Variants in CACNA1D observed in about 807,000 individuals in gnomAD.
CACNA1D encodes calcium voltage-gated channel subunit alpha1 D, also known as voltage-dependent L-type calcium channel subunit alpha-1D.
Under a neutral mutation model 257.1 loss-of-function variants are expected in CACNA1D, and 55 were observed. The observed-to-expected ratio is 0.21, with a 90% CI of 0.17 to 0.27. The LOEUF (loss-of-function observed/expected upper bound fraction) is 0.27. Ranked by LOEUF, CACNA1D falls within the 10% of genes least tolerant of loss-of-function variation. The pLI is 1.00. For missense variants in CACNA1D, 1,876 were observed against 2,784.0 expected (o/e 0.67, Z 7.34); for synonymous variants, 980 against 1,014.9 (o/e 0.97, Z 0.65).
intron 3 of CACNA1D, among the ~76,000 whole-genome samples, chr3:53,543,231 C>A (rs781261283): frequency 4.6e-5 from 7 of 151,924 alleles, no homozygotes; most frequent in Non-Finnish European, 7.4e-5. Flanking sequence ...CCCCACAAAC[C>A]AGCCTCCCCT....
At position 53,705,184 on chromosome 3, in the gene CACNA1D, C is replaced by A. The variant is rs562421645; in HGVS notation, c.1390+2374C>A. On this transcript the variant is annotated intron_variant, in intron 9 of 47. Transcript: ENST00000350061. Reference sequence around the variant, plus strand: ...TCTGCTGTGTGAGCCCAGGAGGGCGCGATGATTCTGGCTGGTGGGAGTGGG... The same window carrying A: ...TCTGCTGTGTGAGCCCAGGAGGGCGAGATGATTCTGGCTGGTGGGAGTGGG... Among the ~76,000 whole-genome samples, 4 of 151,854 alleles carry A rather than the reference C, an allele frequency of 2.6e-5. No homozygotes were observed. The East Asian group carries it at 7.8e-4, about 29-fold the overall frequency.
intron 8 of CACNA1D, among the ~76,000 whole-genome samples, chr3:53,675,658 G>T (rs961919935): frequency 6.6e-6 from 1 of 152,110 alleles, no homozygotes; most frequent in Non-Finnish European, 1.5e-5. Context: ...GATTAAACCT[G>T]CAACTCCGTG....
intron 3 of CACNA1D, among the ~76,000 whole-genome samples, chr3:53,627,046 T>G (rs2093767371): frequency 6.6e-6 from 1 of 152,224 alleles, no homozygotes; most frequent in East Asian, 1.9e-4. Context: ...CAAGAGATGT[T>G]TTCTTCCTGG....
At chr3:53,745,947 G>A in intron 25 of CACNA1D, 72 bp downstream of exon 25, 3 of 1,212,088 alleles carry the variant, frequency 2.5e-6, no homozygotes, top group Non-Finnish European at 3.7e-6. Flanking sequence ...ACACATGTTG[G>A]CACGTCAGAA....
intron 3 of CACNA1D, among the ~76,000 whole-genome samples, chr3:53,634,807 C>G (rs961335927): frequency 6.6e-6 from 1 of 152,134 alleles, no homozygotes; most frequent in Non-Finnish European, 1.5e-5. Flanking sequence ...GAGACCGTTG[C>G]TTGGAGACTT....
At chr3:53,501,168 A>G (rs2090585407) in intron 2 of CACNA1D, among the ~76,000 whole-genome samples, 1 of 152,242 alleles carries the variant, frequency 6.6e-6, no homozygotes, top group African/African-American at 2.4e-5. Flanking sequence ...ATAGCCCCTG[A>G]GAAAATGGCT....
At chr3:53,651,188 C>T (rs1365271568) in intron 4 of CACNA1D, among the ~76,000 whole-genome samples, 1 of 152,034 alleles carries the variant, frequency 6.6e-6, no homozygotes, top group Non-Finnish European at 1.5e-5. Context: ...AGAGGCTTTA[C>T]CTAACACGGT....
At chr3:53,638,201 T>C (rs2093908443) in intron 3 of CACNA1D, among the ~76,000 whole-genome samples, 1 of 152,210 alleles carries the variant, frequency 6.6e-6, no homozygotes, top group Non-Finnish European at 1.5e-5. Context: ...ATCTGGGCCC[T>C]CTTTCACCTT....
At chr3:53,662,098 T>G (rs749325904) in intron 5 of CACNA1D, among the ~76,000 whole-genome samples, 2 of 152,238 alleles carry the variant, frequency 1.3e-5, no homozygotes, top group Non-Finnish European at 2.9e-5. Context: ...TTGAAGTTGT[T>G]AAAAATGTCC....
intron 45 of CACNA1D, chr3:53,808,317 G>C: frequency 3.1e-6 from 1 of 320,504 alleles, no homozygotes. Context: ...GGGAGGCTGA[G>C]GCAGGAGAAT....
chr3:53,769,165 C>G (rs1439221630), intron 30 of CACNA1D, among the ~76,000 whole-genome samples: 5 of 152,208 alleles, frequency 3.3e-5, no homozygotes, highest in African/African-American at 7.2e-5. Context: ...AGGCAAGGCC[C>G]CTGCCCTCCC....
chr3:53,730,145 GACAC>G (rs141136553), intron 15 of CACNA1D, among the ~76,000 whole-genome samples: 1 of 151,676 alleles, frequency 6.6e-6, no homozygotes, highest in Non-Finnish European at 1.5e-5. Flanking sequence ...TAGATGTTTG[GACAC>G]ACACACACAC....
chr3:53,746,034 G>A (rs1364524845), intron 25 of CACNA1D, among the ~76,000 whole-genome samples, 159 bp downstream of exon 25: 1 of 152,126 alleles, frequency 6.6e-6, no homozygotes, highest in East Asian at 1.9e-4. Context: ...TCATTGAGGT[G>A]AAATTCACGT....
intron 3 of CACNA1D, among the ~76,000 whole-genome samples, chr3:53,551,800 G>A (rs1322568192): frequency 3.9e-5 from 6 of 152,162 alleles, no homozygotes; most frequent in Non-Finnish European, 7.4e-5. Flanking sequence ...CAAACTGGCC[G>A]TGCCTCCTCC....
chr3:53,781,472 A>C, intron 38 of CACNA1D, 94 bp from the exon 39 acceptor site: 1 of 830,096 alleles, frequency 1.2e-6, no homozygotes, highest in South Asian at 1.4e-5. Flanking sequence ...CAGCATGTTC[A>C]TCCAGGTCAG....
intron 8 of CACNA1D, among the ~76,000 whole-genome samples, chr3:53,691,761 A>ATC (rs2094524430): frequency 8.6e-6 from 1 of 116,854 alleles, no homozygotes; most frequent in Non-Finnish European, 1.7e-5. Flanking sequence ...TATATATTAC[A>ATC]TATAATATAT....
Position 53,548,143 on chromosome 3 carries a change from C to T in CACNA1D, c.483+46423C>T, listed in dbSNP as rs190711559. ...TTGGTCCTTTGATTCTTTCCGCCTTCGTCTTTCCTTTTTCTTTCTCTTTGC... is the reference window on the plus strand; with the variant it reads ...TTGGTCCTTTGATTCTTTCCGCCTTTGTCTTTCCTTTTTCTTTCTCTTTGC... On this transcript the variant is annotated intron_variant, in intron 3 of 47. Transcript: ENST00000350061. 4.6e-5 allele frequency among the ~76,000 whole-genome samples: 7 copies of T among 152,276 alleles called. No homozygotes were observed. The East Asian group carries it at 9.6e-4, about 21-fold the overall frequency.
At chr3:53,754,589 A>T (rs2095250716) in intron 29 of CACNA1D, among the ~76,000 whole-genome samples, 1 of 152,142 alleles carries the variant, frequency 6.6e-6, no homozygotes, top group Non-Finnish European at 1.5e-5. Context: ...TGCTGTTCCT[A>T]CCCGCACCAC....
In CACNA1D at chr3:53,682,365, TAA is replaced by T. The variant is rs3082718; in HGVS notation, c.1220+9269_1220+9270del. Among the ~76,000 whole-genome samples the T allele has an allele frequency of 1.6e-3, 74 of 47,350 alleles. 2 individuals are homozygous for T. Among genetic ancestry groups the T allele is most frequent in the African/African-American group, 4.3e-3 (47 of 10,872 alleles). 31.1% of individuals were successfully genotyped at this position (47,350 alleles called of 152,430 possible). A position where few individuals can be genotyped will look rare whatever the true frequency, so the allele number is the denominator to read the frequency against. ...CGACATAGCGAGGCTTTGTCTCTGG[TAA>T]AAAAAAAAAAAAAAAAAAAAAAAAA... On this transcript the variant is annotated intron_variant, in intron 8 of 47. Coordinates refer to ENST00000350061, the MANE Select transcript of CACNA1D (RefSeq NM_001128840.3).
Sources: allele counts gnomAD v4.1 joint callset (sites outside exome capture counted in the v4.1 genomes callset), GRCh38; gene constraint gnomAD v4.1.1; transcripts MANE v1.5; gene names NCBI Gene and HGNC (gene_info 2026-07-23, HGNC 2026-07-21).